Variants in EP300 observed in about 807,000 individuals in gnomAD.
EP300 encodes histone acetyltransferase p300.
In EP300, 31 loss-of-function variants were observed where a neutral mutation model predicts 264.0. The observed-to-expected ratio is 0.12, with a 90% confidence interval of 0.09 to 0.16. The LOEUF (loss-of-function observed/expected upper bound fraction) is 0.16. EP300 is among the 10% of genes least tolerant of loss of function. EP300 has a pLI of 1.00. For synonymous variants in EP300, 1,340 were observed against 1,045.4 expected (o/e 1.28, Z -5.44); for missense variants, 2,766 against 3,052.9 (o/e 0.91, Z 2.21).
chr22:41,152,169 T>A (rs745966526), intron 15 of EP300, 37 bp from the exon 16 acceptor site: 4 of 1,607,354 alleles, frequency 2.5e-6, no homozygotes, highest in South Asian at 1.1e-5. Flanking sequence ...CAACTAGATA[T>A]CTTTGGAATA....
intron 1 of EP300, among the ~76,000 whole-genome samples, chr22:41,103,709 G>A (rs1015480082): frequency 3.3e-5 from 5 of 152,140 alleles, no homozygotes; most frequent in Admixed American, 2.0e-4. Context: ...GGATGTTGGG[G>A]TTCTATTGTG....
chr22:41,105,393 T>G (rs1395989738), intron 1 of EP300, among the ~76,000 whole-genome samples: 1 of 151,580 alleles, frequency 6.6e-6, no homozygotes, highest in Non-Finnish European at 1.5e-5. Context: ...TTTTGGGTTT[T>G]TTTGTTTGTT....
intron 3 of EP300, among the ~76,000 whole-genome samples, chr22:41,127,034 G>A (rs956166873): frequency 3.3e-5 from 5 of 151,980 alleles, no homozygotes; most frequent in African/African-American, 9.7e-5. Context: ...GTGAGCCACC[G>A]CGCCCGGCCT....
chr22:41,110,282 ATTTTTTTTTTTTTTTTTTT>A (rs71200660), intron 1 of EP300, among the ~76,000 whole-genome samples: 25 of 48,164 alleles, frequency 5.2e-4, no homozygotes, highest in African/African-American at 9.2e-4. Context: ...TATCCAGCTA[ATTTTTTTTTTTTTTTTTTT>A]TTTTTTTTTT....
At chr22:41,112,669 C>T (rs1047802293) in intron 1 of EP300, among the ~76,000 whole-genome samples, 2 of 148,486 alleles carry the variant, frequency 1.3e-5, no homozygotes, top group African/African-American at 2.5e-5. Flanking sequence ...GAAGATTGGC[C>T]TGTGTTTTTC....
chr22:41,167,826 GTTTTTT>G (rs1192332279), intron 23 of EP300, among the ~76,000 whole-genome samples: 36 of 32,180 alleles, frequency 1.1e-3, no homozygotes, highest in African/African-American at 4.4e-3. Context: ...TTTTTTTTTT[GTTTTTT>G]TTTTTTTTTT....
Position 41,173,800 on chromosome 22 carries a change from C to A in EP300, c.4779+16C>A, listed in dbSNP as rs2059184513. The A allele has an allele frequency of 6.8e-6, 11 of 1,613,664 alleles. No homozygotes were observed. In the South Asian group the frequency reaches 1.2e-4, roughly 18 times the overall value. ...GCATAAAGAGGTAAGATGCAGCCAC[C>A]CAGAGTTGGGGAAAAACGGCAAGAT... On this transcript the variant is annotated intron_variant, in intron 29 of 30. Transcript: ENST00000263253.
chr22:41,176,751 G>A (rs2059203035), intron 30 of EP300, 22 bp from the exon 31 acceptor site: 4 of 1,613,760 alleles, frequency 2.5e-6, no homozygotes, highest in Non-Finnish European at 3.4e-6. Flanking sequence ...GAGTTTACGT[G>A]CACCTCCTGT....
chr22:41,106,621 A>G (rs2058759346), intron 1 of EP300, among the ~76,000 whole-genome samples: 1 of 152,144 alleles, frequency 6.6e-6, no homozygotes, highest in African/African-American at 2.4e-5. Flanking sequence ...CTTTAAAAAC[A>G]TTAAGTGTTT....
chr22:41,092,814 TTTTC>T lies in EP300; in HGVS notation c.-189_-186del. On this transcript the variant is annotated 5_prime_UTR_variant, in exon 1 of 31. Transcript: ENST00000263253. ...CCGGCCCCTCGCACTTGCCCTTACCTTTTCTATCGAGTCCGCATCCCTCTCCAGC... is the reference window on the plus strand; with the variant it reads ...CCGGCCCCTCGCACTTGCCCTTACCTTATCGAGTCCGCATCCCTCTCCAGC... 1 of 687,818 alleles carries T rather than the reference TTTTC, an allele frequency of 1.5e-6. No individual in the cohort carries two copies. Among genetic ancestry groups the T allele is most frequent in the Admixed American group, 2.4e-5 (1 of 41,698 alleles). The allele number at this position is 687,818 out of a possible 1,614,324, so 42.6% of individuals were successfully genotyped here.
chr22:41,154,003 G>T (rs2059062104), intron 16 of EP300, among the ~76,000 whole-genome samples: 1 of 152,128 alleles, frequency 6.6e-6, no homozygotes, highest in Non-Finnish European at 1.5e-5. Flanking sequence ...GCTTCTCAAA[G>T]AACTGTTTGA....
At chr22:41,170,653 C>CTTTTTATTTAACTT (rs2059164348) in intron 27 of EP300, 82 bp downstream of exon 27, 2 of 390,530 alleles carry the variant, frequency 5.1e-6, no homozygotes, top group East Asian at 1.1e-4. Context: ...TGTCATTTAA[C>CTTTTTATTTAACTT]TTTTTTTTTT....
chr22:41,154,399 T>TTTTTTTTTTTTTTTTTTTG, intron 16 of EP300, among the ~76,000 whole-genome samples: 2 of 142,388 alleles, frequency 1.4e-5, no homozygotes, highest in African/African-American at 2.6e-5. Context: ...TTTTTTTTTT[T>TTTTTTTTTTTTTTTTTTTG]GAGATGGGGC....
rs779275892 is a variant in EP300 at position 41,155,431 on chromosome 22, G to A, written c.3261+318G>A. On this transcript the variant is annotated intron_variant, in intron 17 of 30. Transcript: ENST00000263253. ...TATTTTTTAGTAGAGACGGGGTTTCGCCATGTTGCCCAGGCTGGTCTTGAA... is the reference window on the plus strand; with the variant it reads ...TATTTTTTAGTAGAGACGGGGTTTCACCATGTTGCCCAGGCTGGTCTTGAA... Among the ~76,000 whole-genome samples, 21 of 151,862 alleles carry A rather than the reference G, an allele frequency of 1.4e-4. 1 individual carries two copies. Among genetic ancestry groups the A allele is most frequent in the Admixed American group, 3.3e-4 (5 of 15,234 alleles).
chr22:41,094,618 G>A (rs1285550409), intron 1 of EP300, among the ~76,000 whole-genome samples: 1 of 152,190 alleles, frequency 6.6e-6, no homozygotes, highest in Non-Finnish European at 1.5e-5. Context: ...AAACGTCGTT[G>A]TATTCCTTTG....
At chr22:41,103,825 C>T (rs1451593973) in intron 1 of EP300, among the ~76,000 whole-genome samples, 1 of 152,136 alleles carries the variant, frequency 6.6e-6, no homozygotes, top group South Asian at 2.1e-4. Flanking sequence ...CTGGTAACAC[C>T]GTACAGAGCA....
At chr22:41,096,917 C>T (rs1450112084) in intron 1 of EP300, among the ~76,000 whole-genome samples, 3 of 152,206 alleles carry the variant, frequency 2.0e-5, no homozygotes, top group Non-Finnish European at 1.5e-5. Flanking sequence ...CCATGCCCGG[C>T]TGTCAGCTCT....
At chr22:41,104,640 G>C (rs1402209551) in intron 1 of EP300, among the ~76,000 whole-genome samples, 2 of 152,136 alleles carry the variant, frequency 1.3e-5, no homozygotes, top group Non-Finnish European at 2.9e-5. Context: ...CATTGAAAAA[G>C]AGCAAGGTGA....
chr22:41,143,886 A>G (rs2058996499), intron 10 of EP300, among the ~76,000 whole-genome samples: 1 of 152,098 alleles, frequency 6.6e-6, no homozygotes, highest in Non-Finnish European at 1.5e-5. Context: ...GCCACGTTTG[A>G]TTTTTTTGTT....
Sources: allele counts gnomAD v4.1 joint callset (sites outside exome capture counted in the v4.1 genomes callset), GRCh38; gene constraint gnomAD v4.1.1; transcripts MANE v1.5; gene names NCBI Gene and HGNC (gene_info 2026-07-23, HGNC 2026-07-21).